The following SLC35F4 variants were observed in gnomAD, a reference collection of about 807,000 sequenced individuals.
SLC35F4 encodes solute carrier family 35 member F4, also known as chromosome 14 open reading frame 36.
SLC35F4 carries 24 observed loss-of-function variants against 44.2 expected under a neutral mutation model. The ratio of observed to expected loss-of-function variants is 0.54; its 90% CI spans 0.39 to 0.76. The LOEUF is 0.76. SLC35F4 is among the 30% of genes least tolerant of loss of function. The probability of loss-of-function intolerance (pLI) is 0.00; values close to 1 mark genes in which losing one functional copy is unlikely to be tolerated. For synonymous variants in SLC35F4, 238 were observed against 223.6 expected (o/e 1.06, Z -0.57); for missense variants, 562 against 586.1 (o/e 0.96, Z 0.42).
At chr14:57,582,486 G>A (rs1255544564) in intron 3 of SLC35F4, among the ~76,000 whole-genome samples, 1 of 152,162 alleles carries the variant, frequency 6.6e-6, no homozygotes. Flanking sequence ...ACAGGCAAGA[G>A]CCACTGCACC....
intron 1 of SLC35F4, among the ~76,000 whole-genome samples, chr14:57,690,235 C>T (rs918461661): frequency 1.3e-5 from 2 of 152,262 alleles, no homozygotes; most frequent in East Asian, 3.9e-4. Flanking sequence ...AACTATTGAG[C>T]ACCTACTGTG....
chr14:57,824,654 T>G (rs566289256), intron 1 of SLC35F4, among the ~76,000 whole-genome samples: 44 of 152,234 alleles, frequency 2.9e-4, no homozygotes, highest in African/African-American at 1.1e-3. Flanking sequence ...CATAGAGATA[T>G]CTGGGGGAAG....
At chr14:57,637,209 A>G (rs2073049099) in intron 1 of SLC35F4, among the ~76,000 whole-genome samples, 1 of 152,160 alleles carries the variant, frequency 6.6e-6, no homozygotes, top group Non-Finnish European at 1.5e-5. Flanking sequence ...CTCTGAAACA[A>G]GTCACCAAAC....
chr14:57,716,431 T>C (rs1375832766), intron 1 of SLC35F4, among the ~76,000 whole-genome samples: 2 of 152,144 alleles, frequency 1.3e-5, no homozygotes. Context: ...TATAAATAAC[T>C]CCCACATGCT....
downstream of SLC35F4, among the ~76,000 whole-genome samples, chr14:57,974,307 C>G (rs1881144477): frequency 6.6e-6 from 1 of 152,156 alleles, no homozygotes; most frequent in Non-Finnish European, 1.5e-5. Context: ...CAGTACTCCC[C>G]AGAAACCCAG....
At chr14:57,566,094 G>C (rs2068193525) in intron 7 of SLC35F4, among the ~76,000 whole-genome samples, 1 of 152,134 alleles carries the variant, frequency 6.6e-6, no homozygotes, top group South Asian at 2.1e-4. Context: ...CTGAGGAGAA[G>C]CCAACCTCAT....
chr14:57,590,237 A>AAAAAAAAAAAAAAAAAAAAAAAAAAAAC (rs2070082375), intron 2 of SLC35F4, among the ~76,000 whole-genome samples: 1 of 151,188 alleles, frequency 6.6e-6, no homozygotes, highest in Non-Finnish European at 1.5e-5. Flanking sequence ...AAAAAAAAAA[A>AAAAAAAAAAAAAAAAAAAAAAAAAAAAC]AAAAAATTAG....
At chr14:57,904,066 A>G (rs1464323995) in intron 1 of SLC35F4, among the ~76,000 whole-genome samples, 1 of 152,258 alleles carries the variant, frequency 6.6e-6, no homozygotes, top group African/African-American at 2.4e-5. Context: ...GTAACTGAAC[A>G]AAGAATAACT....
At chr14:57,972,688 G>A (rs1358674912), downstream of SLC35F4, among the ~76,000 whole-genome samples, 1 of 152,190 alleles carries the variant, frequency 6.6e-6, no homozygotes, top group Non-Finnish European at 1.5e-5. Context: ...CAGCCTAGTG[G>A]TCTCATTTCT....
intron 1 of SLC35F4, among the ~76,000 whole-genome samples, chr14:57,701,867 C>T (rs904034459): frequency 6.6e-6 from 1 of 152,140 alleles, no homozygotes; most frequent in East Asian, 1.9e-4. Flanking sequence ...CTTACCCATT[C>T]TTCAGACCTC....
At chr14:57,627,029 G>T (rs904284076) in intron 1 of SLC35F4, among the ~76,000 whole-genome samples, 3 of 152,034 alleles carry the variant, frequency 2.0e-5, no homozygotes, top group African/African-American at 7.2e-5. Context: ...TCTCTTTCCT[G>T]GTCTATAGTA....
At chr14:57,832,409 A>G (rs1884469614) in intron 1 of SLC35F4, among the ~76,000 whole-genome samples, 2 of 152,364 alleles carry the variant, frequency 1.3e-5, no homozygotes, top group East Asian at 1.9e-4. Context: ...AAGAATATGT[A>G]GGATGAACAA....
At chr14:57,839,377 C>T (rs1178486638) in intron 1 of SLC35F4, among the ~76,000 whole-genome samples, 2 of 152,176 alleles carry the variant, frequency 1.3e-5, no homozygotes, top group Non-Finnish European at 2.9e-5. Flanking sequence ...CACACATATA[C>T]ACACTATGGA....
At chr14:57,931,992 C>G (rs900117714) in intron 1 of SLC35F4, among the ~76,000 whole-genome samples, 1 of 152,204 alleles carries the variant, frequency 6.6e-6, no homozygotes, top group Non-Finnish European at 1.5e-5. Context: ...CTTATTTACT[C>G]TTGACAATGG....
At chr14:57,876,635 T>C (rs1430451091) in intron 1 of SLC35F4, among the ~76,000 whole-genome samples, 1 of 152,200 alleles carries the variant, frequency 6.6e-6, no homozygotes, top group African/African-American at 2.4e-5. Context: ...AAGAAGTTGG[T>C]TGTGTTCAAG....
intron 1 of SLC35F4, among the ~76,000 whole-genome samples, chr14:57,946,907 G>C (rs1287995961): frequency 3.3e-5 from 5 of 152,164 alleles, no homozygotes; most frequent in Non-Finnish European, 7.4e-5. Context: ...GATGTGTCCA[G>C]ATTTGGGTTT....
At chr14:57,763,649 T>C (rs1282606345) in intron 1 of SLC35F4, among the ~76,000 whole-genome samples, 1 of 152,210 alleles carries the variant, frequency 6.6e-6, no homozygotes, top group Non-Finnish European at 1.5e-5. Context: ...TTATAGTTAA[T>C]ATCATTAATG....
At chr14:57,721,947 A>G (rs1181591063) in intron 1 of SLC35F4, among the ~76,000 whole-genome samples, 1 of 151,368 alleles carries the variant, frequency 6.6e-6, no homozygotes, top group Non-Finnish European at 1.5e-5. Context: ...CTTGCCTGTG[A>G]TGGCCACCCC....
At chr14:57,829,978 G>A (rs967642591) in intron 1 of SLC35F4, among the ~76,000 whole-genome samples, 1 of 152,098 alleles carries the variant, frequency 6.6e-6, no homozygotes, top group Non-Finnish European at 1.5e-5. Flanking sequence ...ATGCAAATTG[G>A]AATGAAAAGA....
Sources: gnomAD v4.1 joint callset for allele counts (sites outside exome capture counted in the v4.1 genomes callset) on GRCh38, gnomAD v4.1.1 for gene constraint, MANE v1.5 for transcripts, NCBI Gene and HGNC (gene_info 2026-07-23, HGNC 2026-07-21) for gene names.